Variants in MED4 observed in about 807,000 individuals in gnomAD.
MED4 encodes the protein mediator of RNA polymerase II transcription subunit 4.
Under a neutral mutation model 35.0 loss-of-function variants are expected in MED4, and 21 were observed. The ratio of observed to expected loss-of-function variants is 0.60; its 90% confidence interval spans 0.43 to 0.86. The LOEUF (loss-of-function observed/expected upper bound fraction) is 0.86. MED4 is among the 40% of genes least tolerant of loss of function. MED4 has a pLI of 0.00. For synonymous variants in MED4, 138 were observed against 114.0 expected, an observed-to-expected ratio of 1.21 and a Z score of -1.34; for missense variants, 300 against 319.4, an observed-to-expected ratio of 0.94 and a Z score of 0.46.
In MED4 at chr13:48,081,698, G is replaced by A; in HGVS notation, c.455C>T (p.Ala152Val). Residue 152 changes from alanine (A) to valine (V), a missense_variant, in exon 5 of 7, where the codon GCA (alanine) becomes GTA (valine). Ala to Val is a moderately conservative substitution (Grantham distance 64). Coordinates refer to ENST00000258648, the MANE Select transcript of MED4 (RefSeq NM_014166.4). ...AISSEEIIKYAHRISASNAVC... is the reference protein window; with the variant it reads ...AISSEEIIKYVHRISASNAVC... ...AGCATTACTTGCACTGATCCTATGT[G>A]CATACTTAATTATTTCTTCAGAGGA... The A allele has an allele frequency of 2.5e-6, 4 of 1,611,420 alleles. No homozygotes were observed. The highest frequency in any genetic ancestry group is 2.5e-6 in the Non-Finnish European group (3 of 1,178,898).
In MED4 at chr13:48,085,226, C is replaced by A. The variant is rs569981437; in HGVS notation, c.363+1056G>T. Among the ~76,000 whole-genome samples the A allele has an allele frequency of 4.1e-5, 6 of 144,856 alleles. No individual in the cohort carries two copies. The East Asian group carries it at 1.2e-3, about 29-fold the overall frequency. ...TTGCACTGTTGCCTGGGCTGGAATA[C>A]AATAGCGCAATCTCAGCTCACTGCA... On this transcript the variant is annotated intron_variant, in intron 3 of 6. Coordinates refer to ENST00000258648, the MANE Select transcript of MED4 (RefSeq NM_014166.4).
chr13:48,081,558 A>G, intron 5 of MED4, 87 bp downstream of exon 5: 1 of 843,418 alleles, frequency 1.2e-6, no homozygotes, highest in Admixed American at 2.8e-5. Context: ...GGATAAATAC[A>G]TTTTAAATTA....
chr13:48,084,035 C>A (rs994277234), intron 3 of MED4, among the ~76,000 whole-genome samples: 2 of 152,006 alleles, frequency 1.3e-5, no homozygotes, highest in Non-Finnish European at 2.9e-5. Context: ...CCGAGGCAGG[C>A]AGATCATTTG....
intron 6 of MED4, among the ~76,000 whole-genome samples, chr13:48,078,692 G>T (rs186006268): frequency 5.5e-4 from 84 of 152,256 alleles, no homozygotes; most frequent in Non-Finnish European, 1.0e-4. Flanking sequence ...CTGTTTTTAG[G>T]TCTGTCCCTT....
At chr13:48,091,169 T>C (rs372306555) in intron 1 of MED4, among the ~76,000 whole-genome samples, 2 of 152,192 alleles carry the variant, frequency 1.3e-5, no homozygotes, top group African/African-American at 4.8e-5. Flanking sequence ...TCCACTTTAT[T>C]TGAATTTTTT....
chr13:48,085,374 T>C (rs139781873), intron 3 of MED4, among the ~76,000 whole-genome samples: 3,505 of 152,254 alleles, frequency 0.023, 144 homozygotes, highest in Admixed American at 0.1. Context: ...GGTTTCACTA[T>C]GTTGGCCAGA....
intron 3 of MED4, among the ~76,000 whole-genome samples, chr13:48,086,059 G>GA (rs1942514631): frequency 6.6e-6 from 1 of 151,708 alleles, no homozygotes; most frequent in Non-Finnish European, 1.5e-5. Context: ...TTTAAGCATC[G>GA]AAAATGTGGC....
intron 1 of MED4, among the ~76,000 whole-genome samples, chr13:48,091,736 AAGAAGAACTAAG>A (rs1310866075): frequency 1.7e-4 from 26 of 152,242 alleles, no homozygotes; most frequent in Non-Finnish European, 1.0e-4. Context: ...TACAAGAGAC[AAGAAGAACTAAG>A]AGAAGAAATA....
intron 3 of MED4, among the ~76,000 whole-genome samples, chr13:48,084,926 G>C (rs893337493): frequency 6.6e-6 from 1 of 151,830 alleles, no homozygotes; most frequent in Admixed American, 6.6e-5. Flanking sequence ...GAGTGCAGTG[G>C]GGTGATCCCA....
At chr13:48,091,679 T>C (rs1422160427) in intron 1 of MED4, among the ~76,000 whole-genome samples, 3 of 152,258 alleles carry the variant, frequency 2.0e-5, no homozygotes, top group Non-Finnish European at 2.9e-5. Context: ...CCAGGCACTT[T>C]CTAGATACTT....
chr13:48,078,959 A>T (rs1253589915), intron 6 of MED4, among the ~76,000 whole-genome samples: 1 of 152,202 alleles, frequency 6.6e-6, no homozygotes, highest in East Asian at 1.9e-4. Context: ...CAGAAAGGGT[A>T]TATTTTTTTC....
chr13:48,079,655 A>C (rs970531979), intron 6 of MED4, 189 bp downstream of exon 6: 3 of 528,684 alleles, frequency 5.7e-6, no homozygotes, highest in South Asian at 2.2e-5. Context: ...CACAAGAATC[A>C]CTTGAACCTG....
At chr13:48,094,549 G>A (rs1950912713) in intron 1 of MED4, among the ~76,000 whole-genome samples, 1 of 152,020 alleles carries the variant, frequency 6.6e-6, no homozygotes, top group Non-Finnish European at 1.5e-5. Flanking sequence ...CCTAGTCCCT[G>A]TGCTCCAGTA....
chr13:48,077,236 T>C lies in MED4; in HGVS notation c.716A>G (p.Asp239Gly), dbSNP rs1485295234. ...MNMLPPNHSSDFLLEPPGHNK... is the reference protein window; with the variant it reads ...MNMLPPNHSSGFLLEPPGHNK... ...ATGCCCAGGAGGTTCCAACAAAAAG[T>C]CACTACTATGATTTGGTGGTAACAT... The change falls in exon 7 of 7, where the codon GAC becomes GGC. Residue 239 changes from aspartate (D) to glycine (G), a missense_variant. By Grantham distance (94) the Asp-to-Gly change is moderately conservative. Transcript: ENST00000258648. 4.4e-6 allele frequency: 7 copies of C among 1,600,122 alleles called. No individual in the cohort carries two copies.
intron 4 of MED4, among the ~76,000 whole-genome samples, chr13:48,082,837 A>AAC (rs1950819928): frequency 6.6e-6 from 1 of 152,182 alleles, no homozygotes; most frequent in South Asian, 2.1e-4. Flanking sequence ...AAAAAAAAAA[A>AAC]AAAGGAGTAT....
chr13:48,089,402 T>G (rs1053838100), intron 2 of MED4, among the ~76,000 whole-genome samples: 2 of 152,124 alleles, frequency 1.3e-5, no homozygotes, highest in African/African-American at 2.4e-5. Flanking sequence ...TACATCATCT[T>G]TAGAAAGGTT....
At chr13:48,093,849 T>A (rs899280062) in intron 1 of MED4, among the ~76,000 whole-genome samples, 1 of 152,260 alleles carries the variant, frequency 6.6e-6, no homozygotes, top group Non-Finnish European at 1.5e-5. Flanking sequence ...AATAAAGTGC[T>A]GATTATATCA....
Position 48,077,268 on chromosome 13 carries a change from C to T in MED4, c.684G>A (p.Ser228=), listed in dbSNP as rs769751562. 2.0e-5 allele frequency: 31 copies of T among 1,566,766 alleles called. No individual in the cohort carries two copies. The highest frequency in any genetic ancestry group is 2.8e-5 in the African/African-American group (2 of 71,690). Residue 228 remains serine (S), a synonymous_variant, in exon 7 of 7, where the codon TCG becomes TCA. Coordinates refer to ENST00000258648, the MANE Select transcript of MED4 (RefSeq NM_014166.4). The part of the protein sequence containing the change: ...PQYPWQSNDM[S]MNMLPPNHSS... ...TATGATTTGGTGGTAACATATTCAT[C>T]GACATGTCATTTGACTGCCATGGAT...
rs747094886 is a variant in MED4 at position 48,095,052 on chromosome 13, C to T, written c.27G>A (p.Lys9=). MAASSSGE[K]EKERLGGGLG... is the part of the protein sequence containing the mutation. Reference sequence around the variant, plus strand: ...AACCGCCTCCCAGCCGCTCCTTCTCCTTCTCACCACTCGAAGACGCAGCCA... The same window carrying T: ...AACCGCCTCCCAGCCGCTCCTTCTCTTTCTCACCACTCGAAGACGCAGCCA... The change falls in exon 1 of 7, where the codon AAG becomes AAA. Residue 9 remains lysine, a synonymous_variant. Transcript: ENST00000258648. 6 of 1,605,454 alleles carry T rather than the reference C, an allele frequency of 3.7e-6. No individual in the cohort carries two copies. Among genetic ancestry groups the T allele is most frequent in the South Asian group, 2.2e-5 (2 of 91,086 alleles).
Sources: gnomAD v4.1 joint callset for allele counts (sites outside exome capture counted in the v4.1 genomes callset) on GRCh38, gnomAD v4.1.1 for gene constraint, MANE v1.5 for transcripts, NCBI Gene and HGNC (gene_info 2026-07-23, HGNC 2026-07-21) for gene names.